The following ATP6V1H variants were observed in gnomAD, a reference collection of about 807,000 sequenced individuals.
The protein encoded by ATP6V1H is ATPase H+ transporting V1 subunit H.
A neutral mutation model predicts 71.7 loss-of-function variants in ATP6V1H; 39 were observed. That is an observed-to-expected ratio of 0.54 (90% CI 0.42 to 0.71). The LOEUF (loss-of-function observed/expected upper bound fraction) is 0.71, where lower values mean the gene tolerates loss of function less well. Among genes scored for constraint, ATP6V1H ranks in the 30% least tolerant of loss-of-function variants. ATP6V1H has a pLI of 0.00. For synonymous variants in ATP6V1H, 192 were observed against 199.3 expected, an observed-to-expected ratio of 0.96 and a Z score of 0.31; for missense variants, 509 against 594.9, an observed-to-expected ratio of 0.86 and a Z score of 1.50.
intron 13 of ATP6V1H, among the ~76,000 whole-genome samples, chr8:53,733,601 G>A (rs762991539): frequency 6.6e-6 from 1 of 152,218 alleles, no homozygotes; most frequent in Non-Finnish European, 1.5e-5. Context: ...GACAGGGGGA[G>A]CGCAGCCTAG....
At chr8:53,771,189 G>A (rs1354335296) in intron 10 of ATP6V1H, among the ~76,000 whole-genome samples, 1 of 152,150 alleles carries the variant, frequency 6.6e-6, no homozygotes, top group African/African-American at 2.4e-5. Context: ...CAAGACACTT[G>A]TGCAAGGCCA....
chr8:53,752,717 A>C (rs1807843640), intron 12 of ATP6V1H, among the ~76,000 whole-genome samples: 1 of 151,882 alleles, frequency 6.6e-6, no homozygotes, highest in African/African-American at 2.4e-5. Flanking sequence ...CACCCAGCTA[A>C]TTTTTCTATT....
At chr8:53,757,731 CT>C (rs1426976114) in intron 11 of ATP6V1H, among the ~76,000 whole-genome samples, 2 of 152,186 alleles carry the variant, frequency 1.3e-5, no homozygotes, top group Non-Finnish European at 2.9e-5. Flanking sequence ...CAAATGTCAT[CT>C]CTTGTATAAG....
intron 13 of ATP6V1H, among the ~76,000 whole-genome samples, chr8:53,740,013 C>T (rs543249828): frequency 3.9e-5 from 6 of 152,134 alleles, no homozygotes; most frequent in East Asian, 1.9e-4. Flanking sequence ...AGGGGAGAAA[C>T]GCTGGTATTC....
intron 6 of ATP6V1H, among the ~76,000 whole-genome samples, chr8:53,813,341 A>G (rs976553809): frequency 2.0e-5 from 3 of 152,252 alleles, no homozygotes; most frequent in African/African-American, 7.2e-5. Flanking sequence ...AGGCAACAAG[A>G]CAAAAAGTAA....
chr8:53,830,584 G>A lies in ATP6V1H; in HGVS notation c.217-1051C>T, dbSNP rs538721108. Among the ~76,000 whole-genome samples the A allele has an allele frequency of 1.8e-4, 28 of 152,090 alleles. No homozygotes were observed. The South Asian group carries it at 3.7e-3, about 20-fold the overall frequency. On this transcript the variant is annotated intron_variant, in intron 3 of 13. Transcript: ENST00000359530. The stretch of plus-strand genomic sequence containing the variant: ...AAAAAAAAGATATAAGTTGCCCACG[G>A]TATTTCTGTCAGAACTCTTTTTCAG...
chr8:53,792,494 C>T (rs1563469236), intron 9 of ATP6V1H, among the ~76,000 whole-genome samples: 2 of 152,142 alleles, frequency 1.3e-5, no homozygotes, highest in Non-Finnish European at 2.9e-5. Flanking sequence ...CTTAACACAT[C>T]CAGCTGGTAT....
intron 7 of ATP6V1H, among the ~76,000 whole-genome samples, chr8:53,806,554 C>G (rs1016842545): frequency 6.6e-6 from 1 of 151,774 alleles, no homozygotes; most frequent in Non-Finnish European, 1.5e-5. Flanking sequence ...TAGTGGGAAT[C>G]TTTATTACAG....
intron 2 of ATP6V1H, 84 bp downstream of exon 2, chr8:53,841,494 A>T (rs1811339358): frequency 7.0e-7 from 1 of 1,435,286 alleles, no homozygotes; most frequent in African/African-American, 1.4e-5. Context: ...TTTTCCCTGT[A>T]TTTCTCTCAT....
At chr8:53,803,426 G>GA (rs1454123489) in intron 7 of ATP6V1H, among the ~76,000 whole-genome samples, 2 of 152,004 alleles carry the variant, frequency 1.3e-5, no homozygotes, top group Admixed American at 1.3e-4. Context: ...ATTTCAAAAA[G>GA]AATTTCTTAA....
At chr8:53,832,222 T>G (rs183866470) in intron 3 of ATP6V1H, 1 of 152,318 alleles carries the variant, frequency 6.6e-6, no homozygotes, top group African/African-American at 2.4e-5. Context: ...ATAAGTTATT[T>G]TATGCACAGA....
chr8:53,838,207 C>T (rs1052035573), intron 2 of ATP6V1H, among the ~76,000 whole-genome samples: 8 of 151,604 alleles, frequency 5.3e-5, no homozygotes, highest in Admixed American at 1.3e-4. Flanking sequence ...CTCACTGCAA[C>T]CTCCACCTCC....
Position 53,752,277 on chromosome 8 carries a change from C to T in ATP6V1H, c.1277+4278G>A, listed in dbSNP as rs183536895. On this transcript the variant is annotated intron_variant, in intron 12 of 13. Transcript: ENST00000359530. ...AGAAATGCTTTTATATTACTGAATG[C>T]GACCAACAAGTAGGCTGGGAATCCT... Among the ~76,000 whole-genome samples the T allele has an allele frequency of 3.3e-5, 5 of 152,254 alleles. No individual in the cohort carries two copies. In the East Asian group the frequency reaches 7.7e-4, roughly 23 times the overall value.
chr8:53,771,607 C>T (rs950506356), intron 10 of ATP6V1H, among the ~76,000 whole-genome samples: 3 of 152,094 alleles, frequency 2.0e-5, no homozygotes, highest in Non-Finnish European at 2.9e-5. Context: ...AGCCAAAAGG[C>T]CTTCAAAAAG....
Position 53,786,401 on chromosome 8 carries a change from G to C in ATP6V1H, c.870+9246C>G, listed in dbSNP as rs1809385055. ...GCCTGTTGGAAAAGCGCAGTATTAG[G>C]GTGGGAGTGACCCAATTTTCCAGGT... On this transcript the variant is annotated intron_variant, in intron 9 of 13. Transcript: ENST00000359530. 2.6e-5 allele frequency among the ~76,000 whole-genome samples: 4 copies of C among 152,300 alleles called. No homozygotes were observed. In the South Asian group the frequency reaches 8.3e-4, roughly 32 times the overall value.
chr8:53,748,938 AAC>A (rs1214639359), intron 12 of ATP6V1H, among the ~76,000 whole-genome samples: 4 of 152,380 alleles, frequency 2.6e-5, no homozygotes, highest in Admixed American at 2.0e-4. Context: ...TGAACAAAGG[AAC>A]ACAGAGATAT....
chr8:53,829,467 T>C lies in ATP6V1H; in HGVS notation c.283A>G (p.Thr95Ala). ...ACCTGCAGCATATCATCCACCATAG[T>C]TAGTATATACTGAACGGTCTGTTCT... is the stretch of plus-strand genomic sequence containing the variant. ...CKEQTVQYIL[T>A]MVDDMLQENH... The change falls in exon 4 of 14, where the codon ACT (threonine) becomes GCT (alanine). Residue 95 changes from threonine to alanine, a missense_variant. Thr to Ala is a moderately conservative substitution (Grantham distance 58, BLOSUM62 0). This residue lies in a region of ATP6V1H where 297 missense variants were observed against 303.3 expected (regional missense o/e 0.98). Coordinates refer to ENST00000359530, the MANE Select transcript of ATP6V1H (RefSeq NM_015941.4). The C allele has an allele frequency of 6.2e-7, 1 of 1,605,750 alleles. No homozygotes were observed. The highest frequency in any genetic ancestry group is 8.5e-7 in the Non-Finnish European group (1 of 1,176,272).
chr8:53,832,237 T>C (rs1361943747), intron 3 of ATP6V1H: 1 of 152,086 alleles, frequency 6.6e-6, no homozygotes, highest in Non-Finnish European at 1.5e-5. Context: ...CACAGAAAAA[T>C]ATCTAGAGAG....
intron 13 of ATP6V1H, among the ~76,000 whole-genome samples, chr8:53,718,212 G>C (rs1422685213): frequency 6.6e-6 from 1 of 152,152 alleles, no homozygotes; most frequent in Non-Finnish European, 1.5e-5. Context: ...CTTCACAAAA[G>C]AAACACTCTT....
Sources: gnomAD v4.1 joint callset for allele counts (sites outside exome capture counted in the v4.1 genomes callset) on GRCh38, gnomAD v4.1.1 for gene constraint, gnomAD v4.1.1 regional missense constraint, MANE v1.5 for transcripts, NCBI Gene and HGNC (gene_info 2026-07-23, HGNC 2026-07-21) for gene names.